The following PANX1 variants were observed in gnomAD, a reference collection of about 807,000 sequenced individuals.
PANX1 encodes pannexin 1, also known as pannexin-1.
A neutral mutation model predicts 38.7 loss-of-function variants in PANX1; 30 were observed. That is an observed-to-expected ratio of 0.78 (90% confidence interval 0.58 to 1.05). The LOEUF is 1.05. Ranked by LOEUF, PANX1 falls within the 50% of genes least tolerant of loss-of-function variation. PANX1 has a pLI of 0.00. For synonymous variants in PANX1, 230 were observed against 212.2 expected (o/e 1.08, Z -0.73); for missense variants, 551 against 517.2 (o/e 1.07, Z -0.63).
chr11:94,130,848 A>C (rs1232988940), intron 1 of PANX1, among the ~76,000 whole-genome samples: 1 of 152,232 alleles, frequency 6.6e-6, no homozygotes. Flanking sequence ...ATAGTTGATT[A>C]GGAAAGAATG....
In PANX1 at chr11:94,131,841, C is replaced by T. The variant is rs186836082; in HGVS notation, c.181+2348C>T. On this transcript the variant is annotated intron_variant, in intron 1 of 4. Transcript: ENST00000227638. ...TTAATTTTGTGTAGTTAGTAGTATG[C>T]ACTCAGCCAAAAACAAACCAAAAAA... Among the ~76,000 whole-genome samples, 22 of 152,150 alleles carry T rather than the reference C, an allele frequency of 1.4e-4. No individual in the cohort carries two copies. In the East Asian group the frequency reaches 3.9e-3, roughly 27 times the overall value.
At chr11:94,168,629 C>A (rs1947129579) in intron 2 of PANX1, among the ~76,000 whole-genome samples, 1 of 151,312 alleles carries the variant, frequency 6.6e-6, no homozygotes, top group Admixed American at 6.6e-5. Flanking sequence ...CCAGGGTCAG[C>A]AAACTTCTGC....
At chr11:94,163,634 A>G (rs1947072198) in intron 2 of PANX1, among the ~76,000 whole-genome samples, 1 of 152,128 alleles carries the variant, frequency 6.6e-6, no homozygotes, top group Non-Finnish European at 1.5e-5. Flanking sequence ...CTAGGATTTT[A>G]TTGAGGATTT....
intron 1 of PANX1, among the ~76,000 whole-genome samples, chr11:94,152,631 G>A (rs1262826480): frequency 6.6e-6 from 1 of 152,202 alleles, no homozygotes; most frequent in Non-Finnish European, 1.5e-5. Context: ...GTGGGAAGGG[G>A]AGGACACAGC....
intron 1 of PANX1, among the ~76,000 whole-genome samples, chr11:94,134,763 TGTGTGAGCACGCTGGGAGAAGG>T (rs1946669060): frequency 1.3e-5 from 2 of 151,378 alleles, no homozygotes; most frequent in South Asian, 2.1e-4. Context: ...CAAGGAAAGG[TGTGTGAGCACGCTGGGAGAAGG>T]GGGCCATCTG....
chr11:94,129,766 T>G lies in PANX1; in HGVS notation c.181+273T>G, dbSNP rs923861456. Among the ~76,000 whole-genome samples the G allele has an allele frequency of 6.6e-5, 10 of 152,216 alleles. No homozygotes were observed. In the East Asian group the frequency reaches 1.7e-3, roughly 26 times the overall value. ...GTGGCTTATAGTTTATGTTCCACCC[T>G]TAGAACTGGCACCTTGCCACCAGAT... On this transcript the variant is annotated intron_variant, in intron 1 of 4. Transcript: ENST00000227638.
At position 94,178,606 on chromosome 11, in the gene PANX1, A is replaced by T. The variant is rs764883794; in HGVS notation, c.545+14A>T. ...CTTAGGGCAAAGGTAACTTAGCCCCAGCAGGCAGCTCATCGGGTTTTGTAG... is the reference window on the plus strand; with the variant it reads ...CTTAGGGCAAAGGTAACTTAGCCCCTGCAGGCAGCTCATCGGGTTTTGTAG... On this transcript the variant is annotated intron_variant, in intron 3 of 4. Coordinates refer to ENST00000227638, the MANE Select transcript of PANX1 (RefSeq NM_015368.4). 6.3e-7 allele frequency: 1 copy of T among 1,595,240 alleles called. No homozygotes were observed.
chr11:94,172,878 T>G (rs775615299), intron 2 of PANX1, among the ~76,000 whole-genome samples: 1 of 151,750 alleles, frequency 6.6e-6, no homozygotes, highest in Non-Finnish European at 1.5e-5. Context: ...GAACAGATAC[T>G]TTGCTCGCTG....
In PANX1 at chr11:94,179,786, T is replaced by C; in HGVS notation, c.730T>C (p.Phe244Leu). ...YFSLSSLSDE[F>L]VCSIKSGILR... ...CAGCCTCTCCTCACTCTCAGACGAGTTTGTGTGCAGCATCAAATCAGGGAT... is the reference window on the plus strand; with the variant it reads ...CAGCCTCTCCTCACTCTCAGACGAGCTTGTGTGCAGCATCAAATCAGGGAT... Residue 244 changes from phenylalanine (F) to leucine (L), a missense_variant, in exon 4 of 5, where the codon TTT becomes CTT. By Grantham distance (22) the Phe-to-Leu change is conservative. Coordinates refer to ENST00000227638, the MANE Select transcript of PANX1 (RefSeq NM_015368.4). The C allele has an allele frequency of 6.2e-7, 1 of 1,614,000 alleles. No homozygotes were observed. Among genetic ancestry groups the C allele is most frequent in the Non-Finnish European group, 8.5e-7 (1 of 1,179,988 alleles).
At chr11:94,173,367 A>G (rs1947190422) in intron 2 of PANX1, among the ~76,000 whole-genome samples, 1 of 151,544 alleles carries the variant, frequency 6.6e-6, no homozygotes, top group South Asian at 2.1e-4. Context: ...CAAATCCTGA[A>G]TTGTACAGCT....
chr11:94,134,443 TC>T (rs1199836219), intron 1 of PANX1, among the ~76,000 whole-genome samples: 1 of 152,166 alleles, frequency 6.6e-6, no homozygotes, highest in Non-Finnish European at 1.5e-5. Context: ...AGTTATGAAT[TC>T]CCTTAGTGTG....
chr11:94,129,321 C>T lies in PANX1; in HGVS notation c.9C>T (p.Ile3=), dbSNP rs772254467. 2 of 1,609,150 alleles carry T rather than the reference C, an allele frequency of 1.2e-6. No homozygotes were observed. The highest frequency in any genetic ancestry group is 1.7e-6 in the Non-Finnish European group (2 of 1,176,296). The part of the protein sequence containing the change: MA[I]AQLATEYVFS... ...CCTGGCGCGCCGCAGCCATGGCCAT[C>T]GCTCAACTGGCCACGGAGTACGTGT... Residue 3 remains isoleucine, a synonymous_variant, in exon 1 of 5, where the codon ATC becomes ATT. Coordinates refer to ENST00000227638, the MANE Select transcript of PANX1 (RefSeq NM_015368.4).
intron 2 of PANX1, among the ~76,000 whole-genome samples, chr11:94,169,734 G>A (rs1442939553): frequency 4.6e-5 from 7 of 151,670 alleles, no homozygotes; most frequent in Non-Finnish European, 7.3e-5. Flanking sequence ...ATGCTGGGGC[G>A]ACTGGAAGCT....
rs372103195 is a variant in PANX1, at chr11:94,179,924, G to A, written c.868G>A (p.Val290Met). The A allele has an allele frequency of 3.1e-4, 499 of 1,610,844 alleles. 6 individuals carry two copies. The South Asian group carries it at 4.8e-3, about 15-fold the overall frequency. ...NLVVYVLLAP[V>M]VVYTLFVPFR... ...TGTGGTTTATGTCCTGCTGGCTCCC[G>A]TGGTTGTCTACACGCTGTTTGTTCC... The change falls in exon 4 of 5, where the codon GTG (valine) becomes ATG (methionine). Residue 290 changes from valine to methionine, a missense_variant. Coordinates refer to ENST00000227638, the MANE Select transcript of PANX1 (RefSeq NM_015368.4).
In PANX1 at chr11:94,153,501, A is replaced by G; in HGVS notation, c.192A>G (p.Ile64Met). 6.2e-7 allele frequency: 1 copy of G among 1,614,194 alleles called. No individual in the cohort carries two copies. Among genetic ancestry groups the G allele is most frequent in the Non-Finnish European group, 8.5e-7 (1 of 1,180,024 alleles). Residue 64 changes from isoleucine to methionine, a missense_variant, in exon 2 of 5, where the codon ATA (isoleucine) becomes ATG (methionine). Ile to Met is a conservative substitution (Grantham distance 10, BLOSUM62 1). Transcript: ENST00000227638. ...TGTTTTGCTTCTTAGGTACACAGAT[A>G]AGCTGTTTCTCTCCAAGTTCTTTCT... ...FAQEISIGTQ[I>M]SCFSPSSFSW...
chr11:94,172,498 A>G (rs1187900120), intron 2 of PANX1, among the ~76,000 whole-genome samples: 1 of 151,838 alleles, frequency 6.6e-6, no homozygotes, highest in Non-Finnish European at 1.5e-5. Flanking sequence ...TTGGCAGACT[A>G]GGACACACAT....
chr11:94,166,705 A>G (rs1591521607), intron 2 of PANX1, among the ~76,000 whole-genome samples: 1 of 152,018 alleles, frequency 6.6e-6, no homozygotes, highest in African/African-American at 2.4e-5. Context: ...TCAGGCATCT[A>G]TCTGGTGCTT....
chr11:94,129,345 G>A lies in PANX1; in HGVS notation c.33G>A (p.Val11=). The A allele has an allele frequency of 6.2e-7, 1 of 1,613,816 alleles. No homozygotes were observed. The highest frequency in any genetic ancestry group is 8.5e-7 in the Non-Finnish European group (1 of 1,179,808). The change falls in exon 1 of 5, where the codon GTG becomes GTA. Residue 11 remains valine (V), a synonymous_variant. Coordinates refer to ENST00000227638, the MANE Select transcript of PANX1 (RefSeq NM_015368.4). ...TCGCTCAACTGGCCACGGAGTACGTGTTCTCGGATTTCTTGCTGAAGGAGC... is the reference window on the plus strand; with the variant it reads ...TCGCTCAACTGGCCACGGAGTACGTATTCTCGGATTTCTTGCTGAAGGAGC... MAIAQLATEY[V]FSDFLLKEPT...
At chr11:94,170,862 G>A (rs139925058) in intron 2 of PANX1, among the ~76,000 whole-genome samples, 4 of 151,896 alleles carry the variant, frequency 2.6e-5, no homozygotes, top group Non-Finnish European at 5.9e-5. Flanking sequence ...AACACAAGGA[G>A]AGTCTTTCTG....
Sources: allele counts gnomAD v4.1 joint callset (sites outside exome capture counted in the v4.1 genomes callset), GRCh38; gene constraint gnomAD v4.1.1; transcripts MANE v1.5; gene names NCBI Gene and HGNC (gene_info 2026-07-23, HGNC 2026-07-21).